Variants in CNTNAP5 observed in about 807,000 individuals in gnomAD.
CNTNAP5 encodes contactin associated protein family member 5, also known as contactin-associated protein-like 5.
Under a neutral mutation model 150.2 loss-of-function variants are expected in CNTNAP5, and 72 were observed. That is an observed-to-expected ratio of 0.48 (90% CI 0.40 to 0.58). The LOEUF (loss-of-function observed/expected upper bound fraction) is 0.58. Ranked by LOEUF, CNTNAP5 falls within the 20% of genes least tolerant of loss-of-function variation. The probability of loss-of-function intolerance (pLI) is 0.00; values close to 1 mark genes in which losing one functional copy is unlikely to be tolerated. For missense variants in CNTNAP5, 1,636 were observed against 1,626.2 expected (o/e 1.01, Z -0.10); for synonymous variants, 672 against 619.8 (o/e 1.08, Z -1.25).
intron 3 of CNTNAP5, among the ~76,000 whole-genome samples, chr2:124,344,360 T>A (rs571977755): frequency 2.2e-4 from 32 of 146,976 alleles, no homozygotes; most frequent in East Asian, 9.9e-4. Flanking sequence ...CTGTAAAATT[T>A]AAAAAAAAAA....
At chr2:124,093,638 A>C (rs1362502183) in intron 1 of CNTNAP5, among the ~76,000 whole-genome samples, 45 of 151,896 alleles carry the variant, frequency 3.0e-4, no homozygotes, top group Admixed American at 3.0e-3. Flanking sequence ...TGTTAAGGTA[A>C]AGCCCAACAA....
intron 1 of CNTNAP5, among the ~76,000 whole-genome samples, chr2:124,067,240 A>G (rs1573729736): frequency 6.6e-6 from 1 of 152,226 alleles, no homozygotes; most frequent in Admixed American, 6.5e-5. Flanking sequence ...TCAAAGCAGC[A>G]GAAATTTATT....
chr2:124,286,393 C>G (rs541427255), intron 3 of CNTNAP5, among the ~76,000 whole-genome samples: 1 of 152,192 alleles, frequency 6.6e-6, no homozygotes, highest in African/African-American at 2.4e-5. Context: ...TTTGGTGGCA[C>G]CTTAGAATTA....
chr2:124,222,253 A>T (rs1025397379), intron 2 of CNTNAP5, among the ~76,000 whole-genome samples: 16 of 152,152 alleles, frequency 1.1e-4, no homozygotes, highest in African/African-American at 3.9e-4. Context: ...AAGTAAGAAA[A>T]TATAAATAAT....
intron 6 of CNTNAP5, among the ~76,000 whole-genome samples, chr2:124,458,294 TA>T (rs1693169184): frequency 0.024 from 8 of 340 alleles, no homozygotes; most frequent in East Asian, 0.25. Flanking sequence ...TGTAATATTT[TA>T]TATATATATA....
chr2:124,913,925 C>A (rs1307641048), intron 23 of CNTNAP5, among the ~76,000 whole-genome samples, 167 bp from the exon 24 acceptor site: 1 of 152,034 alleles, frequency 6.6e-6, no homozygotes, highest in African/African-American at 2.4e-5. Context: ...GAAGACAGGG[C>A]CTTTCAGCAG....
chr2:124,306,544 G>T (rs959218530), intron 3 of CNTNAP5, among the ~76,000 whole-genome samples: 4 of 152,072 alleles, frequency 2.6e-5, no homozygotes, highest in Non-Finnish European at 5.9e-5. Flanking sequence ...AAGAAGTGTG[G>T]CACCTGCTTC....
chr2:124,326,144 G>A (rs1187692916), intron 3 of CNTNAP5, among the ~76,000 whole-genome samples: 1 of 152,200 alleles, frequency 6.6e-6, no homozygotes, highest in Non-Finnish European at 1.5e-5. Context: ...TGGAGACAGA[G>A]GAGGGAAGGT....
At chr2:124,642,172 G>A (rs748552515) in intron 12 of CNTNAP5, among the ~76,000 whole-genome samples, 7 of 152,168 alleles carry the variant, frequency 4.6e-5, no homozygotes, top group Non-Finnish European at 1.0e-4. Context: ...CTGGGGTAAT[G>A]ACCAGGGAAG....
intron 3 of CNTNAP5, among the ~76,000 whole-genome samples, chr2:124,250,304 C>T (rs1422490049): frequency 6.6e-6 from 1 of 152,094 alleles, no homozygotes; most frequent in Admixed American, 6.6e-5. Flanking sequence ...GCTGGTGCTC[C>T]TGGTTGGGGA....
At chr2:124,188,223 C>A (rs1314385037) in intron 1 of CNTNAP5, among the ~76,000 whole-genome samples, 1 of 152,106 alleles carries the variant, frequency 6.6e-6, no homozygotes, top group African/African-American at 2.4e-5. Context: ...ATCAACGATT[C>A]ACCATAGAAA....
chr2:124,261,639 C>T (rs991163745), intron 3 of CNTNAP5, among the ~76,000 whole-genome samples: 4 of 152,280 alleles, frequency 2.6e-5, no homozygotes, highest in African/African-American at 9.6e-5. Context: ...AGATGTTCCA[C>T]CTGCCTGCTA....
intron 4 of CNTNAP5, among the ~76,000 whole-genome samples, chr2:124,418,177 C>T (rs2104777566): frequency 6.6e-6 from 1 of 152,258 alleles, no homozygotes; most frequent in South Asian, 2.1e-4. Context: ...AGGGAAGATT[C>T]CCATCCCTAT....
chr2:124,058,195 G>A (rs910840475), intron 1 of CNTNAP5, among the ~76,000 whole-genome samples: 1 of 152,078 alleles, frequency 6.6e-6, no homozygotes, highest in African/African-American at 2.4e-5. Flanking sequence ...GTTGGATCAT[G>A]CTTAAGCACA....
rs200644446 is a variant in CNTNAP5 at position 124,606,378 on chromosome 2, AT to A, written c.1757-3422del. Among the ~76,000 whole-genome samples the A allele has an allele frequency of 4.8e-3, 723 of 151,520 alleles. 4 individuals carry two copies. The highest frequency in any genetic ancestry group is 0.017 in the African/African-American group (689 of 40,998). On this transcript the variant is annotated intron_variant, in intron 11 of 23. Transcript: ENST00000682447. ...GATAACTTGTAAAAGTAAAAAAAAA[AT>A]AAGAAGTAACAATATAGACATGCTA...
chr2:124,684,665 G>A (rs1162679304), intron 13 of CNTNAP5, among the ~76,000 whole-genome samples: 2 of 152,188 alleles, frequency 1.3e-5, no homozygotes, highest in Non-Finnish European at 2.9e-5. Flanking sequence ...ACCTTGCGGA[G>A]TAGTCTTGTG....
intron 3 of CNTNAP5, among the ~76,000 whole-genome samples, chr2:124,357,462 C>T (rs1284250347): frequency 6.6e-6 from 1 of 151,984 alleles, no homozygotes; most frequent in Non-Finnish European, 1.5e-5. Flanking sequence ...AGTCTTTAAT[C>T]CATCTTGAAT....
At chr2:124,451,449 G>A (rs1692980682) in intron 6 of CNTNAP5, among the ~76,000 whole-genome samples, 1 of 151,906 alleles carries the variant, frequency 6.6e-6, no homozygotes, top group African/African-American at 2.4e-5. Flanking sequence ...TTAAAACCAT[G>A]TGACTGTTCA....
intron 4 of CNTNAP5, among the ~76,000 whole-genome samples, chr2:124,421,645 T>C (rs1433168314): frequency 2.6e-5 from 4 of 152,170 alleles, no homozygotes; most frequent in Admixed American, 6.5e-5. Flanking sequence ...GTCACCAAAA[T>C]GTTCTTTATA....
Sources: allele counts gnomAD v4.1 joint callset (sites outside exome capture counted in the v4.1 genomes callset), GRCh38; gene constraint gnomAD v4.1.1; transcripts MANE v1.5; gene names NCBI Gene and HGNC (gene_info 2026-07-23, HGNC 2026-07-21).